The following FBLL1 variants were observed in gnomAD, a reference collection of about 807,000 sequenced individuals.
FBLL1 encodes the protein RNA 2'-O-methyltransferase FBLL1.
A neutral mutation model predicts 5.7 loss-of-function variants in FBLL1; 6 were observed. The observed-to-expected ratio is 1.05, with a 90% CI of 0.57 to 2.07. FBLL1 has a LOEUF of 2.07. FBLL1 is among the 30% of genes most tolerant of loss of function. The pLI is 0.00. For missense variants in FBLL1, 258 were observed against 165.2 expected, an observed-to-expected ratio of 1.56 and a Z score of -3.08; for synonymous variants, 133 against 75.1, an observed-to-expected ratio of 1.77 and a Z score of -3.99.
rs1330718285 is a variant in FBLL1, at chr5:168,530,145, A to G, written c.641A>G (p.Asn214Ser). 1.3e-6 allele frequency: 1 copy of G among 764,644 alleles called. No individual in the cohort carries two copies. Among genetic ancestry groups the G allele is most frequent in the Non-Finnish European group, 2.4e-6 (1 of 417,674 alleles). The allele number at this position is 764,644 out of a possible 1,614,324, so 47.4% of individuals were successfully genotyped here. The change falls in exon 1 of 1, where the codon AAC becomes AGC. Residue 214 changes from asparagine to serine, a missense_variant. By Grantham distance (46) the Asn-to-Ser change is conservative. Transcript: ENST00000338333. The surrounding 1 kb of genome is among the most constrained non-coding windows in gnomAD (Gnocchi z 4.9). ...CACCGCGCCGGCCGCGATCTGGTCA[A>G]CGTGGCCAAGAAGCGCACCAACATC... is the stretch of plus-strand genomic sequence containing the variant. ...FSHRAGRDLV[N>S]VAKKRTNIIP...
Position 168,530,334 on chromosome 5 carries a change from A to T in FBLL1, c.830A>T (p.Lys277Met). ...RNGGHFLISIKANCIDSTASA... is the reference protein window; with the variant it reads ...RNGGHFLISIMANCIDSTASA... ...GGGGGCCACTTTCTCATCTCCATCA[A>T]GGCCAACTGCATCGACTCCACCGCA... Residue 277 changes from lysine to methionine, a missense_variant, in exon 1 of 1, where the codon AAG (lysine) becomes ATG (methionine). Transcript: ENST00000338333. This position sits in a 1 kb window ranked among gnomAD's most constrained non-coding sequence, Gnocchi z 4.9. 2 of 765,616 alleles carry T rather than the reference A, an allele frequency of 2.6e-6. No individual in the cohort carries two copies. The highest frequency in any genetic ancestry group is 4.8e-6 in the Non-Finnish European group (2 of 417,940). 47.4% of individuals were successfully genotyped at this position (765,616 alleles called of 1,614,324 possible). A position where few individuals can be genotyped will look rare whatever the true frequency, so the allele number is the denominator to read the frequency against.
At position 168,529,840 on chromosome 5, in the gene FBLL1, CG is replaced by C. The variant is rs1424708897; in HGVS notation, c.340del (p.Ala114ArgfsTer8). On this transcript the variant is annotated frameshift_variant, in exon 1 of 1. Coordinates refer to ENST00000338333, the MANE Select transcript of FBLL1 (RefSeq NM_001355274.2). LOFTEE classifies it high-confidence loss of function. This position sits in a 1 kb window ranked among gnomAD's most constrained non-coding sequence, Gnocchi z 7.2. The part of the protein sequence containing the change: ...HRHEGVFIYR[G>X]AEDALVTLNM... Reference sequence around the variant, plus strand: ...GGCACGAGGGCGTCTTCATCTACCGCGGGGCGGAGGACGCGCTGGTCACGCT... The same window carrying C: ...GGCACGAGGGCGTCTTCATCTACCGCGGGCGGAGGACGCGCTGGTCACGCT... 9 of 704,392 alleles carry C rather than the reference CG, an allele frequency of 1.3e-5. No homozygotes were observed. The highest frequency in any genetic ancestry group is 2.3e-5 in the Non-Finnish European group (9 of 386,462). The allele number at this position is 704,392 out of a possible 1,614,324, so 43.6% of individuals were successfully genotyped here.
rs368079245 is a variant in FBLL1 at position 168,530,313 on chromosome 5, G to A, written c.809G>A (p.Gly270Asp). 157 of 765,702 alleles carry A rather than the reference G, an allele frequency of 2.1e-4. No individual in the cohort carries two copies. The highest frequency in any genetic ancestry group is 4.9e-4 in the Admixed American group (29 of 59,008). The allele number at this position is 765,702 out of a possible 1,614,324, so 47.4% of individuals were successfully genotyped here. ...LNAHTFLRNG[G>D]HFLISIKANC... Reference sequence around the variant, plus strand: ...GCCCACACCTTCCTGCGCAATGGGGGCCACTTTCTCATCTCCATCAAGGCC... The same window carrying A: ...GCCCACACCTTCCTGCGCAATGGGGACCACTTTCTCATCTCCATCAAGGCC... The change falls in exon 1 of 1, where the codon GGC (glycine) becomes GAC (aspartate). Residue 270 changes from glycine to aspartate, a missense_variant. Physicochemically the swap from Gly to Asp is moderately conservative, Grantham distance 94. Transcript: ENST00000338333. The surrounding 1 kb of genome is among the most constrained non-coding windows in gnomAD (Gnocchi z 4.9).
chr5:168,529,902 G>C lies in FBLL1; in HGVS notation c.398G>C (p.Arg133Thr), dbSNP rs369422554. The C allele has an allele frequency of 3.6e-4, 259 of 723,636 alleles. 1 individual carries two copies. The highest frequency in any genetic ancestry group is 6.0e-4 in the Non-Finnish European group (237 of 397,410). 44.8% of individuals were successfully genotyped at this position (723,636 alleles called of 1,614,324 possible). Residue 133 changes from arginine to threonine, a missense_variant, in exon 1 of 1, where the codon AGG becomes ACG. Coordinates refer to ENST00000338333, the MANE Select transcript of FBLL1 (RefSeq NM_001355274.2). The surrounding 1 kb of genome is among the most constrained non-coding windows in gnomAD (Gnocchi z 7.2). Reference protein sequence around the residue: ...MVPGQSVYGERRVTVTEGGVK... With the variant: ...MVPGQSVYGETRVTVTEGGVK... ...CCGGGCCAGTCTGTGTACGGCGAGA[G>C]GCGCGTCACGGTGACCGAGGGCGGC... is the stretch of plus-strand genomic sequence containing the variant.
Position 168,529,862 on chromosome 5 carries a change from A to T in FBLL1, c.358A>T (p.Thr120Ser). The T allele has an allele frequency of 1.4e-6, 1 of 709,692 alleles. No homozygotes were observed. The highest frequency in any genetic ancestry group is 1.5e-5 in the South Asian group (1 of 67,620). The allele number at this position is 709,692 out of a possible 1,614,324, so 44.0% of individuals were successfully genotyped here. Reference protein sequence around the residue: ...IYRGAEDALVTLNMVPGQSVY... With the variant: ...IYRGAEDALVSLNMVPGQSVY... ...CCGCGGGGCGGAGGACGCGCTGGTC[A>T]CGCTGAACATGGTGCCGGGCCAGTC... The change falls in exon 1 of 1, where the codon ACG (threonine) becomes TCG (serine). Residue 120 changes from threonine to serine, a missense_variant. Physicochemically the swap from Thr to Ser is moderately conservative, Grantham distance 58. Transcript: ENST00000338333. This position sits in a 1 kb window ranked among gnomAD's most constrained non-coding sequence, Gnocchi z 7.2.
At position 168,529,988 on chromosome 5, in the gene FBLL1, G is replaced by A. The variant is rs1187454813; in HGVS notation, c.484G>A (p.Gly162Ser). ...CTCTAAGCTGGCCGCGGCCATCCTG[G>A]GCGGGGTGGACCAGATCCACATCAA... ...FRSKLAAAIL[G>S]GVDQIHIKPK... Residue 162 changes from glycine (G) to serine (S), a missense_variant, in exon 1 of 1, where the codon GGC becomes AGC. By Grantham distance (56) the Gly-to-Ser change is moderately conservative. Transcript: ENST00000338333. The surrounding 1 kb of genome is among the most constrained non-coding windows in gnomAD (Gnocchi z 7.2). 1.3e-6 allele frequency: 1 copy of A among 752,004 alleles called. No individual in the cohort carries two copies. Among genetic ancestry groups the A allele is most frequent in the East Asian group, 2.5e-5 (1 of 40,380 alleles). 46.6% of individuals were successfully genotyped at this position (752,004 alleles called of 1,614,324 possible).
chr5:168,530,350 C>T lies in FBLL1; in HGVS notation c.846C>T (p.Asp282=), dbSNP rs1286904002. 5.2e-6 allele frequency: 4 copies of T among 765,402 alleles called. No homozygotes were observed. The African/African-American group carries it at 6.8e-5, about 13-fold the overall frequency. 47.4% of individuals were successfully genotyped at this position (765,402 alleles called of 1,614,324 possible). ...FLISIKANCI[D]STASAEAVFA... ...TCTCCATCAAGGCCAACTGCATCGA[C>T]TCCACCGCATCCGCCGAGGCTGTGT... The change falls in exon 1 of 1, where the codon GAC becomes GAT. Residue 282 remains aspartate, a synonymous_variant. Transcript: ENST00000338333. The surrounding 1 kb of genome is among the most constrained non-coding windows in gnomAD (Gnocchi z 4.9).
At position 168,529,994 on chromosome 5, in the gene FBLL1, G is replaced by C. The variant is rs760021026; in HGVS notation, c.490G>C (p.Val164Leu). ...GCTGGCCGCGGCCATCCTGGGCGGG[G>C]TGGACCAGATCCACATCAAGCCCAA... ...SKLAAAILGG[V>L]DQIHIKPKSK... is the part of the protein sequence containing the mutation. The change falls in exon 1 of 1, where the codon GTG becomes CTG. Residue 164 changes from valine (V) to leucine (L), a missense_variant. Coordinates refer to ENST00000338333, the MANE Select transcript of FBLL1 (RefSeq NM_001355274.2). The surrounding 1 kb of genome is among the most constrained non-coding windows in gnomAD (Gnocchi z 7.2). 5.3e-6 allele frequency: 4 copies of C among 752,794 alleles called. No homozygotes were observed. The highest frequency in any genetic ancestry group is 3.5e-5 in the Admixed American group (2 of 57,590). The allele number at this position is 752,794 out of a possible 1,614,324, so 46.6% of individuals were successfully genotyped here.
At position 168,529,426 on chromosome 5, in the gene FBLL1, G is replaced by T; in HGVS notation, c.-79G>T. 3 of 154,320 alleles carry T rather than the reference G, an allele frequency of 1.9e-5. No homozygotes were observed. In the South Asian group the frequency reaches 5.4e-4, roughly 28 times the overall value. The allele number at this position is 154,320 out of a possible 1,614,324, so 9.6% of individuals were successfully genotyped here. A position where few individuals can be genotyped will look rare whatever the true frequency, so the allele number is the denominator to read the frequency against. On this transcript the variant is annotated 5_prime_UTR_variant, in exon 1 of 1. Transcript: ENST00000338333. This position sits in a 1 kb window ranked among gnomAD's most constrained non-coding sequence, Gnocchi z 7.2. ...TAAACCCGCGGACAACCGCCGGGAC[G>T]ACCACCCAGAGCCACCAGAGCCCCC...
At position 168,530,082 on chromosome 5, in the gene FBLL1, T is replaced by C. The variant is rs772632404; in HGVS notation, c.578T>C (p.Ile193Thr). The C allele has an allele frequency of 4.0e-6, 3 of 759,152 alleles. No homozygotes were observed. The highest frequency in any genetic ancestry group is 1.7e-5 in the African/African-American group (1 of 59,002). The allele number at this position is 759,152 out of a possible 1,614,324, so 47.0% of individuals were successfully genotyped here. The change falls in exon 1 of 1, where the codon ATT (isoleucine) becomes ACT (threonine). Residue 193 changes from isoleucine to threonine, a missense_variant. Coordinates refer to ENST00000338333, the MANE Select transcript of FBLL1 (RefSeq NM_001355274.2). This position sits in a 1 kb window ranked among gnomAD's most constrained non-coding sequence, Gnocchi z 4.9. ...GTTVSHVSDI[I>T]GPDGLVYAVE... The stretch of plus-strand genomic sequence containing the variant: ...ACCGTCTCCCATGTCTCCGACATCA[T>C]TGGCCCAGACGGCCTGGTCTACGCC...
At position 168,530,311 on chromosome 5, in the gene FBLL1, G is replaced by A. The variant is rs764082559; in HGVS notation, c.807G>A (p.Gly269=). The part of the protein sequence containing the change: ...ALNAHTFLRN[G]GHFLISIKAN... The stretch of plus-strand genomic sequence containing the variant: ...ACGCCCACACCTTCCTGCGCAATGG[G>A]GGCCACTTTCTCATCTCCATCAAGG... The change falls in exon 1 of 1, where the codon GGG becomes GGA. Residue 269 remains glycine (G), a synonymous_variant. Transcript: ENST00000338333. The surrounding 1 kb of genome is among the most constrained non-coding windows in gnomAD (Gnocchi z 4.9). The A allele has an allele frequency of 7.8e-6, 6 of 765,682 alleles. No individual in the cohort carries two copies. Among genetic ancestry groups the A allele is most frequent in the African/African-American group, 1.7e-5 (1 of 59,132 alleles). The allele number at this position is 765,682 out of a possible 1,614,324, so 47.4% of individuals were successfully genotyped here. A position where few individuals can be genotyped will look rare whatever the true frequency, so the allele number is the denominator to read the frequency against.
rs1758936873 is a variant in FBLL1, at chr5:168,529,602, C to CGGGCAAGGGCGGCGG, written c.103_117dup (p.Lys35_Gly39dup). The CGGGCAAGGGCGGCGG allele has an allele frequency of 1.4e-5, 2 of 142,052 alleles. No homozygotes were observed. The highest frequency in any genetic ancestry group is 3.1e-5 in the Non-Finnish European group (2 of 64,186). 8.8% of individuals were successfully genotyped at this position (142,052 alleles called of 1,614,324 possible). A position where few individuals can be genotyped will look rare whatever the true frequency, so the allele number is the denominator to read the frequency against. ...GGGGGCCGAGGCGGCGGCGGCGGCG[C>CGGGCAAGGGCGGCGG]GGGCAAGGGCGGCGGGGGCGACGGC... On this transcript the variant is annotated inframe_insertion, in exon 1 of 1. Coordinates refer to ENST00000338333, the MANE Select transcript of FBLL1 (RefSeq NM_001355274.2). This position sits in a 1 kb window ranked among gnomAD's most constrained non-coding sequence, Gnocchi z 7.2.
rs1758938267 is a variant in FBLL1, at chr5:168,529,620, GCGA to G, written c.119_121del (p.Asp40del). The G allele has an allele frequency of 6.8e-6, 1 of 146,156 alleles. No individual in the cohort carries two copies. The highest frequency in any genetic ancestry group is 2.5e-5 in the African/African-American group (1 of 40,580). The allele number at this position is 146,156 out of a possible 1,614,324, so 9.1% of individuals were successfully genotyped here. ...GGCGGCGCGGGCAAGGGCGGCGGGG[GCGA>G]CGGCGGCGGCCAGGGGGGCAAGGGC... On this transcript the variant is annotated inframe_deletion, in exon 1 of 1. Coordinates refer to ENST00000338333, the MANE Select transcript of FBLL1 (RefSeq NM_001355274.2). The surrounding 1 kb of genome is among the most constrained non-coding windows in gnomAD (Gnocchi z 7.2).
chr5:168,529,919 G>A lies in FBLL1; in HGVS notation c.415G>A (p.Glu139Lys). The part of the protein sequence containing the change: ...VYGERRVTVT[E>K]GGVKQEYRTW... The stretch of plus-strand genomic sequence containing the variant: ...CGGCGAGAGGCGCGTCACGGTGACC[G>A]AGGGCGGCGTGAAGCAGGAGTACCG... Residue 139 changes from glutamate to lysine, a missense_variant, in exon 1 of 1, where the codon GAG (glutamate) becomes AAG (lysine). Coordinates refer to ENST00000338333, the MANE Select transcript of FBLL1 (RefSeq NM_001355274.2). This position sits in a 1 kb window ranked among gnomAD's most constrained non-coding sequence, Gnocchi z 7.2. 1 of 729,152 alleles carries A rather than the reference G, an allele frequency of 1.4e-6. No homozygotes were observed. The highest frequency in any genetic ancestry group is 2.5e-6 in the Non-Finnish European group (1 of 400,412). The allele number at this position is 729,152 out of a possible 1,614,324, so 45.2% of individuals were successfully genotyped here.
rs1249366059 is a variant in FBLL1, at chr5:168,530,095, C to T, written c.591C>T (p.Gly197=). 1.3e-6 allele frequency: 1 copy of T among 759,786 alleles called. No homozygotes were observed. Among genetic ancestry groups the T allele is most frequent in the African/African-American group, 1.7e-5 (1 of 59,158 alleles). 47.1% of individuals were successfully genotyped at this position (759,786 alleles called of 1,614,324 possible). Residue 197 remains glycine, a synonymous_variant, in exon 1 of 1, where the codon GGC becomes GGT. Transcript: ENST00000338333. This position sits in a 1 kb window ranked among gnomAD's most constrained non-coding sequence, Gnocchi z 4.9. ...TCTCCGACATCATTGGCCCAGACGG[C>T]CTGGTCTACGCCGTCGAGTTCTCCC... ...SHVSDIIGPD[G]LVYAVEFSHR... is the part of the protein sequence containing the mutation.
chr5:168,530,624 A>T lies in FBLL1; in HGVS notation c.*115A>T. On this transcript the variant is annotated 3_prime_UTR_variant, in exon 1 of 1. Coordinates refer to ENST00000338333, the MANE Select transcript of FBLL1 (RefSeq NM_001355274.2). The surrounding 1 kb of genome is among the most constrained non-coding windows in gnomAD (Gnocchi z 4.9). ...TGTTGTTTTTCTATTAAACTGCATA[A>T]AGAAACGGCACCTATCTGTATGGTG... The T allele has an allele frequency of 1.6e-6, 1 of 609,582 alleles. No homozygotes were observed. Among genetic ancestry groups the T allele is most frequent in the Non-Finnish European group, 2.9e-6 (1 of 343,348 alleles). The allele number at this position is 609,582 out of a possible 1,614,324, so 37.8% of individuals were successfully genotyped here. A position where few individuals can be genotyped will look rare whatever the true frequency, so the allele number is the denominator to read the frequency against.
Position 168,529,774 on chromosome 5 carries a change from C to T in FBLL1, c.270C>T (p.Arg90=), listed in dbSNP as rs1360807949. 1.2e-5 allele frequency: 8 copies of T among 692,298 alleles called. No homozygotes were observed. The highest frequency in any genetic ancestry group is 7.9e-6 in the Non-Finnish European group (3 of 380,410). The allele number at this position is 692,298 out of a possible 1,614,324, so 42.9% of individuals were successfully genotyped here. The change falls in exon 1 of 1, where the codon CGC becomes CGT. Residue 90 remains arginine, a synonymous_variant. Coordinates refer to ENST00000338333, the MANE Select transcript of FBLL1 (RefSeq NM_001355274.2). This position sits in a 1 kb window ranked among gnomAD's most constrained non-coding sequence, Gnocchi z 7.2. ...GCGGCGTGGCCAAGAGCAAGAGCCG[C>T]CGCAGGAAGGGCGCCATGGTGGTGT... ...RRGGVAKSKS[R]RRKGAMVVSV...
In FBLL1 at chr5:168,530,546, T is replaced by C; in HGVS notation, c.*37T>C. 5.6e-6 allele frequency: 4 copies of C among 711,086 alleles called. No individual in the cohort carries two copies. The highest frequency in any genetic ancestry group is 1.0e-5 in the Non-Finnish European group (4 of 393,460). 44.0% of individuals were successfully genotyped at this position (711,086 alleles called of 1,614,324 possible). A position where few individuals can be genotyped will look rare whatever the true frequency, so the allele number is the denominator to read the frequency against. ...GGCTCGCCTGCCATCTCCCCAAGGC[T>C]GCGTTGTGTTTGCTATTATTTTCTG... On this transcript the variant is annotated 3_prime_UTR_variant, in exon 1 of 1. Coordinates refer to ENST00000338333, the MANE Select transcript of FBLL1 (RefSeq NM_001355274.2). The surrounding 1 kb of genome is among the most constrained non-coding windows in gnomAD (Gnocchi z 4.9).
Position 168,530,002 on chromosome 5 carries a change from G to A in FBLL1, c.498G>A (p.Gln166=). The change falls in exon 1 of 1, where the codon CAG becomes CAA. Residue 166 remains glutamine, a synonymous_variant. Coordinates refer to ENST00000338333, the MANE Select transcript of FBLL1 (RefSeq NM_001355274.2). This position sits in a 1 kb window ranked among gnomAD's most constrained non-coding sequence, Gnocchi z 4.9. ...LAAAILGGVD[Q]IHIKPKSKVL... ...CGGCCATCCTGGGCGGGGTGGACCA[G>A]ATCCACATCAAGCCCAAGTCCAAGG... 1 of 753,906 alleles carries A rather than the reference G, an allele frequency of 1.3e-6. No individual in the cohort carries two copies. Among genetic ancestry groups the A allele is most frequent in the Non-Finnish European group, 2.4e-6 (1 of 412,664 alleles). The allele number at this position is 753,906 out of a possible 1,614,324, so 46.7% of individuals were successfully genotyped here.
Sources: allele counts gnomAD v4.1 joint callset, GRCh38; gene constraint gnomAD v4.1.1; non-coding constraint Gnocchi (gnomAD v3.1); transcripts MANE v1.5; gene names NCBI Gene and HGNC (gene_info 2026-07-23, HGNC 2026-07-21).